The following SPECC1 variants were observed in gnomAD, a reference collection of about 807,000 sequenced individuals.
The protein encoded by SPECC1 is cytospin-B.
SPECC1 carries 62 observed loss-of-function variants against 104.1 expected under a neutral mutation model. The ratio of observed to expected loss-of-function variants is 0.60; its 90% CI spans 0.49 to 0.74. The LOEUF (loss-of-function observed/expected upper bound fraction) is 0.74, where lower values mean the gene tolerates loss of function less well. Ranked by LOEUF, SPECC1 falls within the 30% of genes least tolerant of loss-of-function variation. SPECC1 has a pLI of 0.00. For missense variants in SPECC1, 1,306 were observed against 1,310.5 expected (o/e 1.00, Z 0.05); for synonymous variants, 513 against 501.6 (o/e 1.02, Z -0.30).
chr17:20,201,361 A>T (rs766175638), intron 3 of SPECC1, among the ~76,000 whole-genome samples: 5 of 152,018 alleles, frequency 3.3e-5, no homozygotes, highest in Non-Finnish European at 5.9e-5. Context: ...TCGCGCCTGT[A>T]GTTCCAGCTA....
chr17:20,278,602 G>T (rs2040652570), intron 12 of SPECC1, among the ~76,000 whole-genome samples: 1 of 152,182 alleles, frequency 6.6e-6, no homozygotes, highest in Admixed American at 6.5e-5. Context: ...ACTTTGGAAG[G>T]TTGATGCAGG....
chr17:20,241,708 T>C (rs1052885973), intron 7 of SPECC1, among the ~76,000 whole-genome samples: 4 of 151,404 alleles, frequency 2.6e-5, no homozygotes, highest in Admixed American at 2.0e-4. Context: ...TTTATTGTTA[T>C]ATATGCTTTT....
intron 3 of SPECC1, chr17:20,156,246 G>T (rs574030351): frequency 7.4e-7 from 1 of 1,353,814 alleles, no homozygotes; most frequent in Non-Finnish European, 9.5e-7. Context: ...GGTCTGTGCG[G>T]CTGGCGGGGG....
chr17:20,232,035 A>AT (rs1335050818), intron 6 of SPECC1, among the ~76,000 whole-genome samples, 165 bp from the exon 7 acceptor site: 1 of 152,194 alleles, frequency 6.6e-6, no homozygotes, highest in Non-Finnish European at 1.5e-5. Context: ...TGAAGGTGTA[A>AT]TTCCACCAGT....
intron 4 of SPECC1, among the ~76,000 whole-genome samples, chr17:20,223,632 C>T (rs1034537119): frequency 3.3e-5 from 5 of 151,528 alleles, no homozygotes; most frequent in Admixed American, 1.3e-4. Flanking sequence ...GAGAAAGTAC[C>T]ACTGCACTCC....
chr17:20,073,404 A>G (rs1041276975), intron 1 of SPECC1, among the ~76,000 whole-genome samples: 1 of 152,242 alleles, frequency 6.6e-6, no homozygotes, highest in African/African-American at 2.4e-5. Flanking sequence ...GTACAAATTA[A>G]GCATTGAGGA....
rs190828053 is a variant in SPECC1, at chr17:20,317,549, G to A, written c.*3484G>A. 33 of 188,134 alleles carry A rather than the reference G, an allele frequency of 1.8e-4. No homozygotes were observed. Among genetic ancestry groups the A allele is most frequent in the Admixed American group, 1.5e-3 (25 of 16,144 alleles). The allele number at this position is 188,134 out of a possible 1,614,324, so 11.7% of individuals were successfully genotyped here. The stretch of plus-strand genomic sequence containing the variant: ...GCTGGGACTACAGGGGTAAGCCACC[G>A]CGCCTGGCCCAAAATTTTGTTTTTT... On this transcript the variant is annotated 3_prime_UTR_variant, in exon 15 of 15. Transcript: ENST00000395527.
At chr17:20,138,307 A>C (rs557453655) in intron 3 of SPECC1, among the ~76,000 whole-genome samples, 3 of 152,070 alleles carry the variant, frequency 2.0e-5, no homozygotes, top group African/African-American at 7.2e-5. Context: ...CTCTGCCCCC[A>C]CACATGTACA....
intron 4 of SPECC1, among the ~76,000 whole-genome samples, chr17:20,210,708 CA>C (rs2037083806): frequency 1.3e-5 from 2 of 152,222 alleles, no homozygotes; most frequent in South Asian, 4.1e-4. Flanking sequence ...CCTTTTCCCA[CA>C]AAGTACTCAC....
intron 3 of SPECC1, among the ~76,000 whole-genome samples, chr17:20,137,106 T>C (rs1317521401): frequency 1.3e-5 from 2 of 152,262 alleles, no homozygotes; most frequent in Non-Finnish European, 2.9e-5. Context: ...TTCAGACTGC[T>C]TTCCGAGATT....
intron 1 of SPECC1, among the ~76,000 whole-genome samples, chr17:20,072,581 C>T (rs2046597726): frequency 6.6e-6 from 1 of 152,226 alleles, no homozygotes; most frequent in African/African-American, 2.4e-5. Context: ...GGGCATGGGG[C>T]TGCCGTGCCA....
chr17:20,252,806 G>A (rs1479946485), intron 9 of SPECC1, among the ~76,000 whole-genome samples: 1 of 152,162 alleles, frequency 6.6e-6, no homozygotes, highest in Admixed American at 6.5e-5. Flanking sequence ...CTTGGCTGTT[G>A]TGAATTATGC....
intron 3 of SPECC1, among the ~76,000 whole-genome samples, chr17:20,198,906 T>A (rs1475624005): frequency 6.6e-6 from 1 of 152,162 alleles, no homozygotes; most frequent in Non-Finnish European, 1.5e-5. Context: ...AACAGTTTAA[T>A]TTTCTCAGTT....
intron 7 of SPECC1, among the ~76,000 whole-genome samples, chr17:20,244,293 C>A (rs759382220): frequency 6.6e-6 from 1 of 152,056 alleles, no homozygotes; most frequent in Non-Finnish European, 1.5e-5. Context: ...TAGCACAGAC[C>A]GAGGAAATTA....
intron 1 of SPECC1, among the ~76,000 whole-genome samples, chr17:20,070,964 CT>C (rs546095106): frequency 8.7e-4 from 133 of 152,022 alleles, no homozygotes; most frequent in Admixed American, 2.6e-3. Flanking sequence ...TCTTTTTTCT[CT>C]TTTAATTTTT....
chr17:20,129,807 G>A (rs1453144045), intron 3 of SPECC1, among the ~76,000 whole-genome samples: 1 of 152,084 alleles, frequency 6.6e-6, no homozygotes, highest in Non-Finnish European at 1.5e-5. Context: ...AGGCTGGAGT[G>A]CAATGGCACA....
rs1251792633 is a variant in SPECC1, at chr17:20,314,501, G to A, written c.*436G>A. ...ATGAAACCTTTGCCCTTGGCTGGGT[G>A]TGGTAGCTCGTGGCTGTAATCCCAG... is the stretch of plus-strand genomic sequence containing the variant. On this transcript the variant is annotated 3_prime_UTR_variant, in exon 15 of 15. Coordinates refer to ENST00000395527, the MANE Select transcript of SPECC1 (RefSeq NM_001243439.2). 2.0e-5 allele frequency: 6 copies of A among 301,328 alleles called. No individual in the cohort carries two copies. Among genetic ancestry groups the A allele is most frequent in the African/African-American group, 1.0e-4 (5 of 48,834 alleles). The allele number at this position is 301,328 out of a possible 1,614,324, so 18.7% of individuals were successfully genotyped here.
intron 1 of SPECC1, among the ~76,000 whole-genome samples, chr17:20,031,852 C>A (rs1430133872): frequency 6.6e-6 from 1 of 152,148 alleles, no homozygotes; most frequent in East Asian, 1.9e-4. Context: ...CTTTTTAATA[C>A]TGAATAAATT....
chr17:20,304,735 G>C (rs2041706880), intron 13 of SPECC1, among the ~76,000 whole-genome samples: 1 of 152,134 alleles, frequency 6.6e-6, no homozygotes, highest in Non-Finnish European at 1.5e-5. Flanking sequence ...GCTTGGGGCT[G>C]TAGGGTTTCA....
Sources: allele counts gnomAD v4.1 joint callset (sites outside exome capture counted in the v4.1 genomes callset), GRCh38; gene constraint gnomAD v4.1.1; transcripts MANE v1.5; gene names NCBI Gene and HGNC (gene_info 2026-07-23, HGNC 2026-07-21).